Variants in SEMA3A observed in about 807,000 individuals in gnomAD.
SEMA3A encodes the protein semaphorin-3A.
In SEMA3A, 29 loss-of-function variants were observed where a neutral mutation model predicts 97.9. The observed-to-expected ratio is 0.30, with a 90% CI of 0.22 to 0.40. The LOEUF (loss-of-function observed/expected upper bound fraction) is 0.40. Among genes scored for constraint, SEMA3A ranks in the 10% least tolerant of loss-of-function variants. SEMA3A has a pLI of 1.00. For missense variants in SEMA3A, 763 were observed against 951.3 expected (o/e 0.80, Z 2.60); for synonymous variants, 321 against 323.7 (o/e 0.99, Z 0.09).
At chr7:84,342,736 C>T (rs140674838) in intron 2 of SEMA3A, among the ~76,000 whole-genome samples, 204 of 152,220 alleles carry the variant, frequency 1.3e-3, no homozygotes, top group African/African-American at 4.3e-3. Context: ...TTGAGGAATA[C>T]GCATTGAGTT....
intron 6 of SEMA3A, among the ~76,000 whole-genome samples, chr7:84,031,155 G>A (rs68158025): frequency 0.1 from 15,270 of 151,688 alleles, 1,113 homozygotes; most frequent in African/African-American, 0.2. Context: ...ACCACGCCTC[G>A]CTAGTTTTTT....
At chr7:84,093,608 A>G (rs1376944764) in intron 4 of SEMA3A, among the ~76,000 whole-genome samples, 2 of 152,172 alleles carry the variant, frequency 1.3e-5, no homozygotes, top group African/African-American at 4.8e-5. Context: ...ATAAAATACT[A>G]TGCAGCCATA....
chr7:84,455,155 G>GA (rs951251723), intron 1 of SEMA3A, among the ~76,000 whole-genome samples: 2 of 151,768 alleles, frequency 1.3e-5, no homozygotes, highest in Non-Finnish European at 3.0e-5. Flanking sequence ...TTTTCAACAA[G>GA]AAAATGACAG....
At chr7:84,364,905 G>T (rs894247080) in intron 2 of SEMA3A, among the ~76,000 whole-genome samples, 1 of 151,148 alleles carries the variant, frequency 6.6e-6, no homozygotes, top group Non-Finnish European at 1.5e-5. Context: ...CCTCAAGAAT[G>T]AGAGCAGTTA....
intron 1 of SEMA3A, among the ~76,000 whole-genome samples, chr7:84,424,486 T>A (rs868786905): frequency 1.1e-3 from 92 of 82,884 alleles, no homozygotes; most frequent in Non-Finnish European, 1.6e-3. Context: ...TATAATATAT[T>A]GATATATAAT....
intron 1 of SEMA3A, among the ~76,000 whole-genome samples, chr7:84,406,353 A>G (rs978174103): frequency 5.3e-5 from 8 of 152,216 alleles, no homozygotes; most frequent in Admixed American, 5.2e-4. Flanking sequence ...AACCAGGAAG[A>G]AGCTGAATCT....
Position 84,240,752 on chromosome 7 carries a change from T to C in SEMA3A, c.-82-46084A>G, listed in dbSNP as rs559025398. 2.0e-5 allele frequency among the ~76,000 whole-genome samples: 3 copies of C among 152,176 alleles called. No homozygotes were observed. The East Asian group carries it at 5.8e-4, about 29-fold the overall frequency. Reference sequence around the variant, plus strand: ...GGTGTTTCTCCTAATGCTAGCCCCCTCTAGCCCACCACCGCCTGACAGGCC... The same window carrying C: ...GGTGTTTCTCCTAATGCTAGCCCCCCCTAGCCCACCACCGCCTGACAGGCC... On this transcript the variant is annotated intron_variant, in intron 3 of 3. Transcript: ENST00000424555.
chr7:84,357,795 CTGT>C (rs1802606816), intron 2 of SEMA3A, among the ~76,000 whole-genome samples: 1 of 151,760 alleles, frequency 6.6e-6, no homozygotes, highest in African/African-American at 2.4e-5. Flanking sequence ...TCTCCAGCAC[CTGT>C]TGTTTCCTGA....
At chr7:83,994,674 C>T (rs1790129630) in intron 12 of SEMA3A, among the ~76,000 whole-genome samples, 1 of 148,272 alleles carries the variant, frequency 6.7e-6, no homozygotes, top group Non-Finnish European at 1.5e-5. Flanking sequence ...TCTGCCCGTT[C>T]TCAGATCTCC....
chr7:84,466,750 C>T (rs999419517), intron 1 of SEMA3A, among the ~76,000 whole-genome samples: 8 of 152,152 alleles, frequency 5.3e-5, no homozygotes, highest in South Asian at 2.1e-4. Context: ...AGCTAGAAGT[C>T]GGTTGTTTCT....
intron 4 of SEMA3A, among the ~76,000 whole-genome samples, chr7:84,062,891 G>A (rs1009709309): frequency 2.8e-4 from 43 of 152,062 alleles, no homozygotes; most frequent in Admixed American, 4.6e-4. Flanking sequence ...AAGCAGCCTG[G>A]AAGCTCCAAC....
At chr7:84,290,872 C>A (rs961253492) in intron 3 of SEMA3A, among the ~76,000 whole-genome samples, 3 of 151,986 alleles carry the variant, frequency 2.0e-5, no homozygotes, top group Admixed American at 1.3e-4. Context: ...ACAGAAAATC[C>A]TTTTCTTTGC....
intron 5 of SEMA3A, among the ~76,000 whole-genome samples, chr7:84,054,679 C>G (rs987350862): frequency 1.4e-5 from 2 of 140,590 alleles, no homozygotes; most frequent in Non-Finnish European, 3.1e-5. Flanking sequence ...GTAATTTGAT[C>G]GTCTGAAGCC....
intron 1 of SEMA3A, among the ~76,000 whole-genome samples, chr7:84,375,258 G>A (rs1803070004): frequency 6.6e-6 from 1 of 152,052 alleles, no homozygotes; most frequent in African/African-American, 2.4e-5. Flanking sequence ...GACCTCATGT[G>A]ATCCACCCAC....
At chr7:84,054,629 C>T (rs1220366545) in intron 5 of SEMA3A, among the ~76,000 whole-genome samples, 2 of 137,718 alleles carry the variant, frequency 1.5e-5, no homozygotes, top group East Asian at 2.2e-4. Flanking sequence ...AAGTTTTCAA[C>T]TTCTTTGCCT....
At chr7:84,091,996 G>A (rs1270293155) in intron 4 of SEMA3A, among the ~76,000 whole-genome samples, 1 of 152,060 alleles carries the variant, frequency 6.6e-6, no homozygotes, top group African/African-American at 2.4e-5. Flanking sequence ...CTGAATTCTA[G>A]GCAGAGTACC....
intron 12 of SEMA3A, among the ~76,000 whole-genome samples, chr7:83,997,008 G>A (rs1790250247): frequency 6.6e-6 from 1 of 152,160 alleles, no homozygotes; most frequent in African/African-American, 2.4e-5. Context: ...CCACTGGAAT[G>A]TGTATGATTA....
chr7:84,424,667 G>A (rs1426619117), intron 1 of SEMA3A, among the ~76,000 whole-genome samples: 9 of 84,832 alleles, frequency 1.1e-4, no homozygotes, highest in Admixed American at 2.2e-4. Flanking sequence ...TATATAATAT[G>A]TTATATAATA....
At chr7:84,207,463 G>C (rs979796208) in intron 3 of SEMA3A, among the ~76,000 whole-genome samples, 1 of 152,072 alleles carries the variant, frequency 6.6e-6, no homozygotes, top group African/African-American at 2.4e-5. Flanking sequence ...AAACAAACCA[G>C]AATCAGAAAA....
Sources: allele counts gnomAD v4.1 joint callset (sites outside exome capture counted in the v4.1 genomes callset), GRCh38; gene constraint gnomAD v4.1.1; transcripts MANE v1.5; gene names NCBI Gene and HGNC (gene_info 2026-07-23, HGNC 2026-07-21).